The following MBD5 variants were observed in gnomAD, a reference collection of about 807,000 sequenced individuals.
The protein encoded by MBD5 is methyl-CpG binding domain protein 5.
In MBD5, 13 loss-of-function variants were observed where a neutral mutation model predicts 117.3. That is an observed-to-expected ratio of 0.11 (90% CI 0.07 to 0.18). MBD5 has a LOEUF of 0.18. MBD5 is among the 10% of genes least tolerant of loss of function. The pLI is 1.00. For synonymous variants in MBD5, 727 were observed against 766.4 expected, an observed-to-expected ratio of 0.95 and a Z score of 0.85; for missense variants, 1,879 against 2,093.8, an observed-to-expected ratio of 0.90 and a Z score of 2.00.
intron 3 of MBD5, among the ~76,000 whole-genome samples, chr2:148,283,287 T>C (rs1174545066): frequency 1.3e-5 from 2 of 152,152 alleles, no homozygotes; most frequent in Non-Finnish European, 1.5e-5. Flanking sequence ...TGGTAAGTTA[T>C]TGGCTCTCCA....
chr2:148,239,063 TGTATATATGTGTGG>T (rs1387403964), intron 3 of MBD5, among the ~76,000 whole-genome samples: 1 of 151,694 alleles, frequency 6.6e-6, no homozygotes, highest in Non-Finnish European at 1.5e-5. Flanking sequence ...TATATGTGTG[TGTATATATGTGTGG>T]GTGTCTGTAT....
At chr2:148,394,374 T>G (rs1704645386) in intron 4 of MBD5, among the ~76,000 whole-genome samples, 1 of 152,222 alleles carries the variant, frequency 6.6e-6, no homozygotes, top group South Asian at 2.1e-4. Flanking sequence ...CTTTATTTCT[T>G]ATTCAAGTCT....
chr2:148,064,582 C>T (rs1254248738), intron 1 of MBD5, among the ~76,000 whole-genome samples: 1 of 152,122 alleles, frequency 6.6e-6, no homozygotes, highest in Non-Finnish European at 1.5e-5. Context: ...TTCTTTGAGG[C>T]AAACCGATTC....
chr2:148,238,061 T>C (rs1165975660), intron 3 of MBD5, among the ~76,000 whole-genome samples: 1 of 152,172 alleles, frequency 6.6e-6, no homozygotes, highest in Non-Finnish European at 1.5e-5. Flanking sequence ...TATCCCACTC[T>C]GCAAAATAAT....
At chr2:148,068,470 G>A (rs1695265737) in intron 1 of MBD5, 1 of 152,170 alleles carries the variant, frequency 6.6e-6, no homozygotes, top group Non-Finnish European at 1.5e-5. Flanking sequence ...TGTAATGAAA[G>A]AATGGAAGCA....
intron 4 of MBD5, among the ~76,000 whole-genome samples, chr2:148,417,432 C>T (rs773638435): frequency 1.8e-4 from 27 of 151,912 alleles, no homozygotes; most frequent in South Asian, 6.3e-4. Context: ...AGCCACTGTG[C>T]CCAGCTGGTA....
chr2:148,106,121 G>T (rs997457877), intron 1 of MBD5, among the ~76,000 whole-genome samples: 1 of 151,858 alleles, frequency 6.6e-6, no homozygotes, highest in Admixed American at 6.6e-5. Flanking sequence ...AACTGTTGAT[G>T]CAGTTTTATA....
chr2:148,238,771 T>C (rs1700145431), intron 3 of MBD5, among the ~76,000 whole-genome samples: 1 of 152,100 alleles, frequency 6.6e-6, no homozygotes. Context: ...TGTAGACATA[T>C]TACTTCAATC....
At chr2:148,050,634 GA>G (rs1694670872) in intron 1 of MBD5, among the ~76,000 whole-genome samples, 1 of 152,004 alleles carries the variant, frequency 6.6e-6, no homozygotes, top group South Asian at 2.1e-4. Flanking sequence ...CCAAGGTTAT[GA>G]AAATTTACAT....
chr2:148,206,921 A>C (rs1296393787), intron 2 of MBD5, among the ~76,000 whole-genome samples: 1 of 152,260 alleles, frequency 6.6e-6, no homozygotes, highest in African/African-American at 2.4e-5. Flanking sequence ...CATTGAAAAT[A>C]GTCAGAAACA....
At chr2:148,292,447 A>G (rs1701521149) in intron 3 of MBD5, among the ~76,000 whole-genome samples, 1 of 152,356 alleles carries the variant, frequency 6.6e-6, no homozygotes, top group South Asian at 2.1e-4. Context: ...AGACATACAA[A>G]TAGCAAACAG....
chr2:148,362,605 G>C (rs767810222), intron 4 of MBD5, among the ~76,000 whole-genome samples: 1 of 152,204 alleles, frequency 6.6e-6, no homozygotes, highest in Non-Finnish European at 1.5e-5. Context: ...GAAGAGAGCA[G>C]TGCATCTCCC....
intron 1 of MBD5, among the ~76,000 whole-genome samples, chr2:148,099,168 G>A (rs11890992): frequency 0.012 from 1,877 of 152,220 alleles, 44 homozygotes; most frequent in African/African-American, 0.043. Flanking sequence ...AAGTTACAAG[G>A]CGTGAGTTTT....
chr2:148,228,798 A>T (rs371334253), intron 2 of MBD5, among the ~76,000 whole-genome samples: 6 of 152,052 alleles, frequency 3.9e-5, no homozygotes, highest in Admixed American at 3.3e-4. Context: ...CCTGTTATTG[A>T]TCTATTCAGA....
At chr2:148,419,853 G>C (rs1479808296) in intron 4 of MBD5, among the ~76,000 whole-genome samples, 1 of 151,986 alleles carries the variant, frequency 6.6e-6, no homozygotes, top group African/African-American at 2.4e-5. Flanking sequence ...CCATATAAGA[G>C]TTATTTATTT....
At chr2:148,310,114 G>T (rs1018973807) in intron 3 of MBD5, among the ~76,000 whole-genome samples, 2 of 152,100 alleles carry the variant, frequency 1.3e-5, no homozygotes, top group African/African-American at 2.4e-5. Flanking sequence ...TTCTTTTTCT[G>T]TTGTGTCTCT....
chr2:148,396,917 C>A (rs1432484781), intron 4 of MBD5, among the ~76,000 whole-genome samples: 1 of 152,164 alleles, frequency 6.6e-6, no homozygotes, highest in African/African-American at 2.4e-5. Context: ...AATTTTTCTG[C>A]AAATTACACT....
At chr2:148,150,482 T>G (rs1443273169) in intron 1 of MBD5, among the ~76,000 whole-genome samples, 5 of 152,178 alleles carry the variant, frequency 3.3e-5, no homozygotes, top group African/African-American at 7.2e-5. Flanking sequence ...GTGAAGAAAG[T>G]CATTGGTAGC....
At chr2:148,413,907 C>A (rs1311981487) in intron 4 of MBD5, among the ~76,000 whole-genome samples, 19 of 122,394 alleles carry the variant, frequency 1.6e-4, no homozygotes, top group South Asian at 2.5e-4. Flanking sequence ...TACTTATTTT[C>A]TAAAAAAAAA....
Sources: gnomAD v4.1 joint callset for allele counts (sites outside exome capture counted in the v4.1 genomes callset) on GRCh38, gnomAD v4.1.1 for gene constraint, MANE v1.5 for transcripts, NCBI Gene and HGNC (gene_info 2026-07-23, HGNC 2026-07-21) for gene names.